The following CFAP263 variants were observed in gnomAD, a reference collection of about 807,000 sequenced individuals.
The protein encoded by CFAP263 is cilia and flagella associated protein 263.
chr16:58,279,170 G>C, the CFAP263 span, among the ~76,000 whole-genome samples: 20 of 152,136 alleles, frequency 1.3e-4, no homozygotes, highest in Non-Finnish European at 2.1e-4. Flanking sequence ...GAAACCATAT[G>C]CTGGTGTCAG....
At chr16:58,279,639 TCCC>T in the CFAP263 span, 3 of 1,431,904 alleles carry the variant, frequency 2.1e-6, no homozygotes, top group Non-Finnish European at 9.4e-7. Context: ...AGTGACTTTC[TCCC>T]CCATCTCCTT....
chr16:58,254,082 C>T, the CFAP263 span: 1 of 1,614,154 alleles, frequency 6.2e-7, no homozygotes, highest in Non-Finnish European at 8.5e-7. Flanking sequence ...TGAGCTGGTA[C>T]AAAAAGAGGT....
chr16:58,250,304 T>A, the CFAP263 span: 1 of 522,268 alleles, frequency 1.9e-6, no homozygotes, highest in South Asian at 2.4e-5. Context: ...AACGGGGTGG[T>A]AGGGCGAGGG....
chr16:58,265,275 C>G, the CFAP263 span, among the ~76,000 whole-genome samples: 8 of 152,314 alleles, frequency 5.3e-5, no homozygotes, highest in African/African-American at 1.9e-4. Flanking sequence ...CACAGTTGAT[C>G]TAAAGACAGG....
chr16:58,256,234 T>G, the CFAP263 span, among the ~76,000 whole-genome samples: 1 of 152,046 alleles, frequency 6.6e-6, no homozygotes, highest in Admixed American at 6.5e-5. Flanking sequence ...TAAACATGCA[T>G]TGTTGAATTC....
chr16:58,273,002 A>T, the CFAP263 span, among the ~76,000 whole-genome samples: 1 of 151,998 alleles, frequency 6.6e-6, no homozygotes, highest in African/African-American at 2.4e-5. Flanking sequence ...TTTTCTTTTC[A>T]GCCCATTGCC....
chr16:58,270,857 G>A, the CFAP263 span, among the ~76,000 whole-genome samples: 11 of 152,166 alleles, frequency 7.2e-5, no homozygotes, highest in Non-Finnish European at 1.3e-4. Context: ...AGAGTTTGTC[G>A]TATTAACCTT....
At chr16:58,251,136 G>T in the CFAP263 span, among the ~76,000 whole-genome samples, 1 of 152,068 alleles carries the variant, frequency 6.6e-6, no homozygotes, top group Admixed American at 6.6e-5. Context: ...TCTCATTTTT[G>T]AGTGTTTCTA....
At chr16:58,270,364 G>T in the CFAP263 span, among the ~76,000 whole-genome samples, 5 of 152,146 alleles carry the variant, frequency 3.3e-5, no homozygotes, top group Non-Finnish European at 7.4e-5. Flanking sequence ...GATGTTGAAT[G>T]TCCCATGTAA....
chr16:58,252,910 G>A, the CFAP263 span: 2 of 1,581,794 alleles, frequency 1.3e-6, no homozygotes, highest in Non-Finnish European at 1.7e-6. Flanking sequence ...AATGCAAGTG[G>A]TATTTGTTTA....
chr16:58,282,246 C>T, the CFAP263 span: 1 of 151,998 alleles, frequency 6.6e-6, no homozygotes, highest in Non-Finnish European at 1.5e-5. Context: ...ACCTCATGAT[C>T]CACCCGCCTC....
At chr16:58,262,475 A>G in the CFAP263 span, 1 of 1,613,036 alleles carries the variant, frequency 6.2e-7, no homozygotes, top group Non-Finnish European at 8.5e-7. Context: ...TGAAGCAAGG[A>G]ATCAAGAACT....
At chr16:58,274,758 A>T in the CFAP263 span, among the ~76,000 whole-genome samples, 1 of 152,184 alleles carries the variant, frequency 6.6e-6, no homozygotes, top group South Asian at 2.1e-4. Context: ...AGTCTTGGGT[A>T]ATTCTTTATA....
At chr16:58,267,645 TG>T in the CFAP263 span, 2 of 1,056,296 alleles carry the variant, frequency 1.9e-6, no homozygotes, top group Non-Finnish European at 2.9e-6. Context: ...TATAAGGGCT[TG>T]AGTCAAGGTC....
At chr16:58,256,950 A>C in the CFAP263 span, among the ~76,000 whole-genome samples, 1 of 151,098 alleles carries the variant, frequency 6.6e-6, no homozygotes, top group Non-Finnish European at 1.5e-5. Context: ...ACTCAGAGGT[A>C]ATTTCTGTTG....
the CFAP263 span, among the ~76,000 whole-genome samples, chr16:58,268,574 AT>A: frequency 1.3e-5 from 2 of 152,038 alleles, no homozygotes; most frequent in African/African-American, 4.8e-5. Context: ...GCTGCCCCAA[AT>A]TTGCCTACAA....
chr16:58,264,510 A>G, the CFAP263 span, among the ~76,000 whole-genome samples: 1 of 152,146 alleles, frequency 6.6e-6, no homozygotes, highest in African/African-American at 2.4e-5. Flanking sequence ...TGAGTTGTGG[A>G]GTCAGACCTT....
At chr16:58,282,090 C>A in the CFAP263 span, 1 of 150,422 alleles carries the variant, frequency 6.6e-6, no homozygotes, top group African/African-American at 2.5e-5. Flanking sequence ...CTCGCTGCAA[C>A]CTCCTCCTCC....
At chr16:58,273,610 G>A in the CFAP263 span, among the ~76,000 whole-genome samples, 1 of 151,916 alleles carries the variant, frequency 6.6e-6, no homozygotes, top group Admixed American at 6.6e-5. Context: ...TTTAAACATG[G>A]TTTCCTTTGG....
Sources: allele counts gnomAD v4.1 joint callset (sites outside exome capture counted in the v4.1 genomes callset), GRCh38; gene constraint gnomAD v4.1.1; transcripts MANE v1.5; gene names NCBI Gene and HGNC (gene_info 2026-07-23, HGNC 2026-07-21).